PMS1: variants seen among roughly 807,000 people sequenced by gnomAD.
PMS1 encodes PMS1 homolog 1, mismatch repair system component.
A neutral mutation model predicts 93.1 loss-of-function variants in PMS1; 79 were observed. The ratio of observed to expected loss-of-function variants is 0.85; its 90% confidence interval spans 0.71 to 1.02. PMS1 has a LOEUF of 1.02. Among genes scored for constraint, PMS1 ranks in the 50% least tolerant of loss-of-function variants. The pLI is 0.00. For missense variants in PMS1, 1,064 were observed against 1,085.3 expected (o/e 0.98, Z 0.28); for synonymous variants, 335 against 363.4 (o/e 0.92, Z 0.89).
intron 2 of PMS1, among the ~76,000 whole-genome samples, chr2:189,794,708 GA>G (rs1222637205): frequency 1.3e-5 from 2 of 152,122 alleles, no homozygotes; most frequent in Non-Finnish European, 2.9e-5. Flanking sequence ...GGTGTTCATA[GA>G]AAGTATGATC....
chr2:189,845,676 G>A (rs181923891), intron 6 of PMS1, among the ~76,000 whole-genome samples: 1 of 152,100 alleles, frequency 6.6e-6, no homozygotes. Context: ...ATGATGGTTG[G>A]TTGCATTATT....
intron 4 of PMS1, among the ~76,000 whole-genome samples, chr2:189,809,447 CTTTTTTTTTTTT>C (rs972672920): frequency 4.3e-4 from 27 of 63,434 alleles, no homozygotes; most frequent in Non-Finnish European, 8.1e-4. Flanking sequence ...AAGCACATTT[CTTTTTTTTTTTT>C]TTTTTTTTTT....
At chr2:189,811,026 C>A (rs2050796666) in intron 4 of PMS1, among the ~76,000 whole-genome samples, 1 of 149,290 alleles carries the variant, frequency 6.7e-6, no homozygotes, top group Admixed American at 6.7e-5. Context: ...AAAAGATGGT[C>A]AAAACTGGTA....
chr2:189,871,328 G>A (rs2057127909), intron 11 of PMS1, among the ~76,000 whole-genome samples: 1 of 151,864 alleles, frequency 6.6e-6, no homozygotes, highest in African/African-American at 2.4e-5. Flanking sequence ...AAAAAAAATT[G>A]CAGAAAAAAT....
chr2:189,817,072 A>C (rs2051373250), intron 4 of PMS1, among the ~76,000 whole-genome samples: 1 of 152,178 alleles, frequency 6.6e-6, no homozygotes, highest in South Asian at 2.1e-4. Flanking sequence ...GAGATATTTG[A>C]TTGTCACAAC....
rs56309301 is a variant in PMS1 at position 189,873,586 on chromosome 2, A to G, written c.2564A>G (p.Asn855Ser). The G allele has an allele frequency of 6.2e-7, 1 of 1,601,958 alleles. No individual in the cohort carries two copies. Among genetic ancestry groups the G allele is most frequent in the South Asian group, 1.1e-5 (1 of 90,812 alleles). The part of the protein sequence containing the change: ...YGVADLKEIL[N>S]AILNRNAKEV... ...GTAGCAGATTTAAAAGAAATTCTTA[A>G]TGCTATATTAAACAGAAATGCAAAG... The change falls in exon 12 of 13, where the codon AAT (asparagine) becomes AGT (serine). Residue 855 changes from asparagine to serine, a missense_variant. Asn to Ser is a conservative substitution (Grantham distance 46). Coordinates refer to ENST00000441310, the MANE Select transcript of PMS1 (RefSeq NM_000534.5).
At chr2:189,854,199 T>C in intron 8 of PMS1, 40 bp from the exon 9 acceptor site, 2 of 1,487,440 alleles carry the variant, frequency 1.3e-6, no homozygotes, top group Admixed American at 3.7e-5. Context: ...GTCTATTATT[T>C]TCATAATTTC....
Position 189,818,007 on chromosome 2 carries a change from C to T in PMS1, c.419-10C>T, listed in dbSNP as rs761823485. ...AAATCTAAATGTGCTTTTCTCTTGTCTGCCAACAGGTACAACTGTAACTGC... is the reference window on the plus strand; with the variant it reads ...AAATCTAAATGTGCTTTTCTCTTGTTTGCCAACAGGTACAACTGTAACTGC... On this transcript the variant is annotated splice_polypyrimidine_tract_variant and intron_variant, in intron 4 of 12. Coordinates refer to ENST00000441310, the MANE Select transcript of PMS1 (RefSeq NM_000534.5). 4 of 1,602,250 alleles carry T rather than the reference C, an allele frequency of 2.5e-6. No homozygotes were observed. The highest frequency in any genetic ancestry group is 3.4e-6 in the Non-Finnish European group (4 of 1,170,256).
At chr2:189,793,896 A>G (rs1233263) in intron 2 of PMS1, among the ~76,000 whole-genome samples, 2,830 of 152,264 alleles carry the variant, frequency 0.019, 85 homozygotes, top group African/African-American at 0.064. Context: ...ATTAAACGTG[A>G]TGGTACTATT....
In PMS1 at chr2:189,854,595, G is replaced by T. The variant is rs1348911049; in HGVS notation, c.1323G>T (p.Met441Ile). Residue 441 changes from methionine (M) to isoleucine (I), a missense_variant, in exon 9 of 13, where the codon ATG becomes ATT. Met to Ile is a conservative substitution (Grantham distance 10, BLOSUM62 1). Transcript: ENST00000441310. ...AGAATGCATTTCAGGACATTTCAAT[G>T]AGTAATGTATCATGGGAGAACTCTC... ...NTKNAFQDIS[M>I]SNVSWENSQT... 1.2e-6 allele frequency: 2 copies of T among 1,613,340 alleles called. No individual in the cohort carries two copies. Among genetic ancestry groups the T allele is most frequent in the African/African-American group, 2.7e-5 (2 of 74,910 alleles).
intron 4 of PMS1, 95 bp from the exon 5 acceptor site, chr2:189,817,922 G>T: frequency 1.1e-6 from 1 of 934,916 alleles, no homozygotes; most frequent in Non-Finnish European, 1.7e-6. Context: ...GAGACCTTCA[G>T]TTATAGAAGG....
intron 6 of PMS1, among the ~76,000 whole-genome samples, chr2:189,848,945 C>T (rs917512434): frequency 6.6e-6 from 1 of 152,224 alleles, no homozygotes; most frequent in Non-Finnish European, 1.5e-5. Flanking sequence ...TGGTTGTCCT[C>T]ACTCACCTCA....
chr2:189,816,974 A>T (rs13396619), intron 4 of PMS1, among the ~76,000 whole-genome samples: 9,316 of 150,726 alleles, frequency 0.062, 467 homozygotes, highest in African/African-American at 0.14. Flanking sequence ...TTTTATTTTT[A>T]AAAAAAAAGA....
At chr2:189,802,551 A>G (rs1320487131) in intron 3 of PMS1, among the ~76,000 whole-genome samples, 1 of 152,196 alleles carries the variant, frequency 6.6e-6, no homozygotes, top group Non-Finnish European at 1.5e-5. Flanking sequence ...TGGAAGGGTC[A>G]ACTGTACATA....
chr2:189,803,056 G>A (rs2050032977), intron 3 of PMS1, among the ~76,000 whole-genome samples: 1 of 152,102 alleles, frequency 6.6e-6, no homozygotes, highest in Non-Finnish European at 1.5e-5. Context: ...CTCACATGCA[G>A]AAAAGAAAAC....
At chr2:189,832,183 T>G (rs374933739) in intron 5 of PMS1, among the ~76,000 whole-genome samples, 1 of 152,194 alleles carries the variant, frequency 6.6e-6, no homozygotes. Context: ...GTGTTTGGTC[T>G]TAATTTGAAG....
intron 1 of PMS1, among the ~76,000 whole-genome samples, chr2:189,790,913 G>T (rs1162389905): frequency 6.6e-6 from 1 of 152,128 alleles, no homozygotes; most frequent in Admixed American, 6.5e-5. Context: ...TTTAGGGTAG[G>T]GATTGGTAAT....
rs759952294 is a variant in PMS1, at chr2:189,864,250, T to C, written c.2342+22T>C. On this transcript the variant is annotated intron_variant, in intron 10 of 12. Coordinates refer to ENST00000441310, the MANE Select transcript of PMS1 (RefSeq NM_000534.5). Reference sequence around the variant, plus strand: ...AGAGGTATGATGATACAATACTTTTTAAGAGTAAAAATATTTATTATAATA... The same window carrying C: ...AGAGGTATGATGATACAATACTTTTCAAGAGTAAAAATATTTATTATAATA... 89 of 1,508,678 alleles carry C rather than the reference T, an allele frequency of 5.9e-5. No individual in the cohort carries two copies. The Admixed American group carries it at 1.4e-3, about 24-fold the overall frequency. The allele number at this position is 1,508,678 out of a possible 1,614,324, so 93.5% of individuals were successfully genotyped here.
chr2:189,860,865 A>T (rs2055910155), intron 9 of PMS1, among the ~76,000 whole-genome samples: 1 of 94,242 alleles, frequency 1.1e-5, no homozygotes, highest in Non-Finnish European at 2.0e-5. Flanking sequence ...TAGTTCTGTC[A>T]GTTACTGAGG....
Sources: allele counts gnomAD v4.1 joint callset (sites outside exome capture counted in the v4.1 genomes callset), GRCh38; gene constraint gnomAD v4.1.1; transcripts MANE v1.5; gene names NCBI Gene and HGNC (gene_info 2026-07-23, HGNC 2026-07-21).